MBOAT2: variants seen among roughly 807,000 people sequenced by gnomAD.
MBOAT2 encodes the protein membrane-bound glycerophospholipid O-acyltransferase 2.
A neutral mutation model predicts 63.4 loss-of-function variants in MBOAT2; 28 were observed. The observed-to-expected ratio is 0.44, with a 90% CI of 0.33 to 0.61. MBOAT2 has a LOEUF of 0.61. MBOAT2 is among the 20% of genes least tolerant of loss of function. The probability of loss-of-function intolerance (pLI) is 0.03; values close to 1 mark genes in which losing one functional copy is unlikely to be tolerated. For synonymous variants in MBOAT2, 211 were observed against 215.6 expected, an observed-to-expected ratio of 0.98 and a Z score of 0.19; for missense variants, 470 against 605.8, an observed-to-expected ratio of 0.78 and a Z score of 2.35.
chr2:8,933,694 T>A (rs1234187826), intron 3 of MBOAT2, among the ~76,000 whole-genome samples: 1 of 152,222 alleles, frequency 6.6e-6, no homozygotes, highest in Admixed American at 6.5e-5. Flanking sequence ...CAAACTGACC[T>A]TTTAGACAGT....
intron 1 of MBOAT2, among the ~76,000 whole-genome samples, chr2:8,962,289 T>C (rs1053960740): frequency 1.1e-4 from 17 of 152,338 alleles, no homozygotes; most frequent in Middle Eastern, 6.8e-3. Flanking sequence ...CACTGCATTA[T>C]ACTGCCTACC....
intron 4 of MBOAT2, among the ~76,000 whole-genome samples, chr2:8,900,803 C>T (rs1664864958): frequency 6.6e-6 from 1 of 152,164 alleles, no homozygotes; most frequent in South Asian, 2.1e-4. Context: ...TTCCCTCTTA[C>T]AGAAAAGATC....
At chr2:8,925,978 A>G (rs1666903164) in intron 3 of MBOAT2, among the ~76,000 whole-genome samples, 1 of 152,188 alleles carries the variant, frequency 6.6e-6, no homozygotes, top group Non-Finnish European at 1.5e-5. Context: ...TATTACTCCA[A>G]TTTACAAAAG....
chr2:8,879,395 T>C (rs1269394931), intron 6 of MBOAT2, among the ~76,000 whole-genome samples: 1 of 152,198 alleles, frequency 6.6e-6, no homozygotes, highest in Non-Finnish European at 1.5e-5. Context: ...AATTTTTGGC[T>C]CAACTGTCAT....
At chr2:8,962,375 T>C (rs1023916377) in intron 1 of MBOAT2, among the ~76,000 whole-genome samples, 5 of 152,190 alleles carry the variant, frequency 3.3e-5, no homozygotes, top group African/African-American at 1.2e-4. Flanking sequence ...GTCACCTATA[T>C]CTGATTCTCT....
chr2:9,000,344 T>A (rs1483964711), intron 1 of MBOAT2, among the ~76,000 whole-genome samples: 1 of 152,194 alleles, frequency 6.6e-6, no homozygotes, highest in Non-Finnish European at 1.5e-5. Flanking sequence ...TATAAAAATT[T>A]TTATTTTGCT....
chr2:8,985,008 G>C (rs1212812163), intron 1 of MBOAT2, among the ~76,000 whole-genome samples: 2 of 152,082 alleles, frequency 1.3e-5, no homozygotes, highest in Non-Finnish European at 2.9e-5. Flanking sequence ...CTTGTTCAGA[G>C]GCCTCCCACT....
intron 3 of MBOAT2, among the ~76,000 whole-genome samples, chr2:8,920,916 G>C (rs1038167759): frequency 2.0e-5 from 3 of 152,028 alleles, no homozygotes; most frequent in Non-Finnish European, 4.4e-5. Flanking sequence ...TTTTTCTGTG[G>C]CTATTCCAAC....
chr2:8,859,771 G>A (rs899502463), intron 12 of MBOAT2, among the ~76,000 whole-genome samples: 7 of 152,096 alleles, frequency 4.6e-5, no homozygotes, highest in Non-Finnish European at 1.0e-4. Context: ...GGCAGGGAGA[G>A]GAGATAAGTA....
chr2:8,920,229 T>C, intron 3 of MBOAT2, among the ~76,000 whole-genome samples: 1 of 152,174 alleles, frequency 6.6e-6, no homozygotes, highest in Admixed American at 6.5e-5. Flanking sequence ...ATGTATGATG[T>C]GAGGTAAGGG....
In MBOAT2 at chr2:8,922,539, T is replaced by G. The variant is rs537801848; in HGVS notation, c.300-13823A>C. On this transcript the variant is annotated intron_variant, in intron 3 of 12. Coordinates refer to ENST00000305997, the MANE Select transcript of MBOAT2 (RefSeq NM_138799.4). ...TGGTGAGAGCTGATGCAGCAGCTGATGTCTCTACTCAGTTTTTTAAAGCCT... is the reference window on the plus strand; with the variant it reads ...TGGTGAGAGCTGATGCAGCAGCTGAGGTCTCTACTCAGTTTTTTAAAGCCT... 1.2e-4 allele frequency among the ~76,000 whole-genome samples: 19 copies of G among 152,230 alleles called. 1 individual carries two copies. Among genetic ancestry groups the G allele is most frequent in the Admixed American group, 5.9e-4 (9 of 15,276 alleles).
chr2:8,893,075 G>GAGGAGGCAGGGGGAGGGGGTGGGGT (rs1664132511), intron 4 of MBOAT2, among the ~76,000 whole-genome samples: 1 of 131,154 alleles, frequency 7.6e-6, no homozygotes, highest in Non-Finnish European at 1.7e-5. Flanking sequence ...GGGGGTGGGG[G>GAGGAGGCAGGGGGAGGGGGTGGGGT]AGGAGGCAGG....
chr2:8,874,829 C>T (rs934217335), intron 7 of MBOAT2, among the ~76,000 whole-genome samples: 1 of 152,146 alleles, frequency 6.6e-6, no homozygotes, highest in Admixed American at 6.5e-5. Flanking sequence ...GGAAGTCTAG[C>T]TAAAGATGAC....
chr2:8,876,754 G>C (rs1350367352), intron 7 of MBOAT2, among the ~76,000 whole-genome samples: 1 of 152,100 alleles, frequency 6.6e-6, no homozygotes, highest in Non-Finnish European at 1.5e-5. Flanking sequence ...AAATTGTTAG[G>C]CTGGCCAATT....
At chr2:8,988,631 G>A (rs1028286942) in intron 1 of MBOAT2, among the ~76,000 whole-genome samples, 1 of 152,198 alleles carries the variant, frequency 6.6e-6, no homozygotes, top group South Asian at 2.1e-4. Context: ...TATATTATTT[G>A]TAAGCTTGTT....
At chr2:8,948,030 T>G (rs539216253) in intron 2 of MBOAT2, among the ~76,000 whole-genome samples, 2 of 152,324 alleles carry the variant, frequency 1.3e-5, no homozygotes, top group South Asian at 4.1e-4. Flanking sequence ...TAAATACATC[T>G]GTGATTCATG....
Position 8,873,239 on chromosome 2 carries a change from C to G in MBOAT2, c.752G>C (p.Cys251Ser). 6.2e-7 allele frequency: 1 copy of G among 1,614,188 alleles called. No homozygotes were observed. Among genetic ancestry groups the G allele is most frequent in the Non-Finnish European group, 8.5e-7 (1 of 1,180,028 alleles). Residue 251 changes from cysteine (C) to serine (S), a missense_variant, in exon 8 of 13, where the codon TGT (cysteine) becomes TCT (serine). Physicochemically the swap from Cys to Ser is moderately radical, Grantham distance 112. Around this residue, in one of 3 missense-constraint regions of MBOAT2, gnomAD observed 376 missense variants for 503.8 expected, o/e 0.75. Transcript: ENST00000305997. ...GLSLLFHLTI[C>S]TTLPVEYNID... ...GTTGTACTCCACAGGTAATGTTGTA[C>G]AGATGGTCAAGTGAAATAACAAGGA...
intron 6 of MBOAT2, among the ~76,000 whole-genome samples, chr2:8,877,833 A>T (rs1276934056): frequency 1.3e-5 from 2 of 151,846 alleles, no homozygotes; most frequent in African/African-American, 4.8e-5. Context: ...ATGCGTGAAG[A>T]CCCCTGAGCT....
chr2:8,946,559 G>A (rs577041247), intron 2 of MBOAT2, among the ~76,000 whole-genome samples: 5 of 152,262 alleles, frequency 3.3e-5, no homozygotes, highest in South Asian at 2.1e-4. Context: ...ACCCTGCATC[G>A]TGCCAGCCTC....
Sources: allele counts gnomAD v4.1 joint callset (sites outside exome capture counted in the v4.1 genomes callset), GRCh38; gene constraint gnomAD v4.1.1; regional missense constraint gnomAD v4.1.1; transcripts MANE v1.5; gene names NCBI Gene and HGNC (gene_info 2026-07-23, HGNC 2026-07-21).